The following ADAMTS9 variants were observed in gnomAD, a reference collection of about 807,000 sequenced individuals.
The protein encoded by ADAMTS9 is A disintegrin and metalloproteinase with thrombospondin motifs 9.
Under a neutral mutation model 257.1 loss-of-function variants are expected in ADAMTS9, and 107 were observed. That is an observed-to-expected ratio of 0.42 (90% CI 0.36 to 0.49). The LOEUF is 0.49. ADAMTS9 is among the 20% of genes least tolerant of loss of function. The pLI, the probability that ADAMTS9 is intolerant of heterozygous loss-of-function variation, is 0.03. For missense variants in ADAMTS9, 2,353 were observed against 2,469.1 expected (o/e 0.95, Z 1.00); for synonymous variants, 982 against 880.9 (o/e 1.11, Z -2.03).
At chr3:64,616,768 T>C (rs936737271) in intron 19 of ADAMTS9, among the ~76,000 whole-genome samples, 3 of 152,178 alleles carry the variant, frequency 2.0e-5, no homozygotes, top group African/African-American at 7.2e-5. Flanking sequence ...ATATTCTAAA[T>C]AAATGACCTT....
intron 6 of ADAMTS9, 21 bp from the exon 7 acceptor site, chr3:64,654,633 G>C: frequency 6.2e-7 from 1 of 1,613,762 alleles, no homozygotes; most frequent in Non-Finnish European, 8.5e-7. Context: ...AGCAGACTTA[G>C]GCCTTGATGA....
intron 16 of ADAMTS9, among the ~76,000 whole-genome samples, chr3:64,626,354 G>C (rs1017744028): frequency 6.6e-6 from 1 of 152,132 alleles, no homozygotes; most frequent in African/African-American, 2.4e-5. Flanking sequence ...GTCAACAAAC[G>C]TTTGTTAAAT....
Position 64,533,267 on chromosome 3 carries a change from G to A in ADAMTS9, c.5617C>T (p.Arg1873Cys). ...GTTCCATAAAGGTTGATGCTAAAAC[G>A]ACCCTGGAAAACACGACCAACAAAA... ...CYSAAKCPQGRFSINLYGTGL... is the reference protein window; with the variant it reads ...CYSAAKCPQGCFSINLYGTGL... Residue 1873 changes from arginine (R) to cysteine (C), a missense_variant, in exon 38 of 40, where the codon CGT becomes TGT. Arg to Cys is a radical substitution (Grantham distance 180, BLOSUM62 -3). Coordinates refer to ENST00000498707, the MANE Select transcript of ADAMTS9 (RefSeq NM_182920.2). 6.2e-7 allele frequency: 1 copy of A among 1,613,580 alleles called. No individual in the cohort carries two copies. The highest frequency in any genetic ancestry group is 8.5e-7 in the Non-Finnish European group (1 of 1,179,584).
At position 64,541,139 on chromosome 3, in the gene ADAMTS9, C is replaced by T. The variant is rs137856161; in HGVS notation, c.5477G>A (p.Ser1826Asn). ...RKDYTAAGFS[S>N]FQKIRIDLTS... is the part of the protein sequence containing the mutation. The stretch of plus-strand genomic sequence containing the variant: ...CAGGTCTATTCTGATTTTCTGAAAA[C>T]TGGAAAACCCAGCGGCCGTGTAATC... Residue 1826 changes from serine (S) to asparagine (N), a missense_variant, in exon 36 of 40, where the codon AGT becomes AAT. Coordinates refer to ENST00000498707, the MANE Select transcript of ADAMTS9 (RefSeq NM_182920.2). 3.9e-4 allele frequency: 634 copies of T among 1,614,216 alleles called. 3 individuals are homozygous for T. The African/African-American group carries it at 7.4e-3, about 19-fold the overall frequency.
At chr3:64,659,527 A>T (rs1701174370) in intron 3 of ADAMTS9, among the ~76,000 whole-genome samples, 1 of 152,048 alleles carries the variant, frequency 6.6e-6, no homozygotes, top group African/African-American at 2.4e-5. Context: ...CTGCTATTCA[A>T]TGAGTTCTAA....
At chr3:64,639,162 C>T (rs935521801) in intron 12 of ADAMTS9, among the ~76,000 whole-genome samples, 3 of 152,034 alleles carry the variant, frequency 2.0e-5, no homozygotes, top group Non-Finnish European at 4.4e-5. Context: ...AATTGACTCC[C>T]CCAGAGCCAT....
chr3:64,539,307 G>A lies in ADAMTS9; in HGVS notation c.5522-13C>T. On this transcript the variant is annotated splice_polypyrimidine_tract_variant and intron_variant, in intron 36 of 39. Transcript: ENST00000498707. Reference sequence around the variant, plus strand: ...TGTAAGTCAGTGGCTGTGGGGTGGAGAAGGGGTTAAAGGCAGGGGAAGGTA... The same window carrying A: ...TGTAAGTCAGTGGCTGTGGGGTGGAAAAGGGGTTAAAGGCAGGGGAAGGTA... The A allele has an allele frequency of 6.2e-7, 1 of 1,610,850 alleles. No homozygotes were observed. Among genetic ancestry groups the A allele is most frequent in the Non-Finnish European group, 8.5e-7 (1 of 1,177,122 alleles).
chr3:64,616,175 G>A lies in ADAMTS9; in HGVS notation c.2814-5C>T. ...CTCCTGCTGGCAACATGCCACCTAT[G>A]CAAAAATAATGGGGCAAAACCAACA... On this transcript the variant is annotated splice_polypyrimidine_tract_variant and splice_region_variant and intron_variant, in intron 19 of 39. Transcript: ENST00000498707. 1 of 1,613,882 alleles carries A rather than the reference G, an allele frequency of 6.2e-7. No homozygotes were observed. Among genetic ancestry groups the A allele is most frequent in the South Asian group, 1.1e-5 (1 of 91,068 alleles).
chr3:64,631,588 A>G, intron 15 of ADAMTS9, 38 bp from the exon 16 acceptor site: 1 of 1,526,894 alleles, frequency 6.5e-7, no homozygotes, highest in Non-Finnish European at 9.1e-7. Flanking sequence ...ACTCCACAGA[A>G]TGGTTCACTT....
chr3:64,655,409 T>C (rs1402682102), intron 6 of ADAMTS9, among the ~76,000 whole-genome samples, 167 bp downstream of exon 6: 2 of 152,144 alleles, frequency 1.3e-5, no homozygotes, highest in African/African-American at 2.4e-5. Flanking sequence ...AGGCCAGGGA[T>C]GCTGTTAAAC....
At chr3:64,523,605 G>A (rs1277469550) in intron 38 of ADAMTS9, among the ~76,000 whole-genome samples, 2 of 152,272 alleles carry the variant, frequency 1.3e-5, no homozygotes, top group East Asian at 3.9e-4. Flanking sequence ...ACTGTTAGAT[G>A]TTTAAAGCCT....
intron 38 of ADAMTS9, among the ~76,000 whole-genome samples, chr3:64,532,722 C>T (rs2082998615): frequency 1.3e-5 from 2 of 152,154 alleles, no homozygotes; most frequent in Non-Finnish European, 2.9e-5. Context: ...CTCTAATTCT[C>T]CAGATATATC....
rs112105368 is a variant in ADAMTS9 at position 64,666,295 on chromosome 3, G to A, written c.680-7504C>T. Among the ~76,000 whole-genome samples, 1,268 of 152,312 alleles carry A rather than the reference G, an allele frequency of 8.3e-3. 7 individuals carry two copies. Among genetic ancestry groups the A allele is most frequent in the Non-Finnish European group, 0.013 (858 of 68,026 alleles). Reference sequence around the variant, plus strand: ...GTTTCCTACCAAATGGGGTTGGGCCGAGGAGATCTGAATGTTAACATTAAC... The same window carrying A: ...GTTTCCTACCAAATGGGGTTGGGCCAAGGAGATCTGAATGTTAACATTAAC... On this transcript the variant is annotated intron_variant, in intron 3 of 39. Coordinates refer to ENST00000498707, the MANE Select transcript of ADAMTS9 (RefSeq NM_182920.2).
chr3:64,531,448 T>C (rs1401928712), intron 38 of ADAMTS9, among the ~76,000 whole-genome samples: 1 of 151,494 alleles, frequency 6.6e-6, no homozygotes, highest in Non-Finnish European at 1.5e-5. Context: ...ACACTTATTG[T>C]AAACAGTGTT....
chr3:64,568,067 G>A (rs1193500553), intron 29 of ADAMTS9, among the ~76,000 whole-genome samples: 4 of 152,132 alleles, frequency 2.6e-5, no homozygotes, highest in Admixed American at 6.5e-5. Flanking sequence ...TGGTGATAAT[G>A]CAATGCCATC....
intron 38 of ADAMTS9, among the ~76,000 whole-genome samples, chr3:64,523,100 A>G (rs889454770): frequency 6.6e-6 from 1 of 152,206 alleles, no homozygotes; most frequent in African/African-American, 2.4e-5. Flanking sequence ...AAAACAATTT[A>G]CCAATGGTGA....
intron 26 of ADAMTS9, 119 bp downstream of exon 26, chr3:64,601,825 A>C: frequency 8.1e-7 from 1 of 1,241,268 alleles, no homozygotes; most frequent in South Asian, 1.6e-5. Context: ...GCAAATGAAA[A>C]TGCACAATGT....
chr3:64,646,184 A>C (rs770488164), intron 11 of ADAMTS9, among the ~76,000 whole-genome samples: 3 of 152,176 alleles, frequency 2.0e-5, no homozygotes, highest in Non-Finnish European at 2.9e-5. Context: ...GATCAAACAG[A>C]TTCAATTTAA....
chr3:64,596,981 G>A lies in ADAMTS9; in HGVS notation c.4028C>T (p.Thr1343Ile). The change falls in exon 27 of 40, where the codon ACC becomes ATC. Residue 1343 changes from threonine to isoleucine, a missense_variant. By Grantham distance (89) the Thr-to-Ile change is moderately conservative. This residue lies in a region of ADAMTS9 where 1,402 missense variants were observed against 1,441.4 expected (regional missense o/e 0.97). Transcript: ENST00000498707. ...ACGCCGCTGGGATCCGCCAGCACAGGTACTGGAACACTAAACACATCAGTC... is the reference window on the plus strand; with the variant it reads ...ACGCCGCTGGGATCCGCCAGCACAGATACTGGAACACTAAACACATCAGTC... ...RTGPWGACSS[T>I]CAGGSQRRVV... 6.2e-7 allele frequency: 1 copy of A among 1,613,788 alleles called. No individual in the cohort carries two copies. Among genetic ancestry groups the A allele is most frequent in the Non-Finnish European group, 8.5e-7 (1 of 1,179,896 alleles).
Sources: allele counts gnomAD v4.1 joint callset (sites outside exome capture counted in the v4.1 genomes callset), GRCh38; gene constraint gnomAD v4.1.1; regional missense constraint gnomAD v4.1.1; transcripts MANE v1.5; gene names NCBI Gene and HGNC (gene_info 2026-07-23, HGNC 2026-07-21).